ACADVL: variants seen among roughly 807,000 people sequenced by gnomAD.
The protein encoded by ACADVL is very long-chain acyl-CoA dehydrogenase, mitochondrial.
A neutral mutation model predicts 80.4 loss-of-function variants in ACADVL; 73 were observed. That is an observed-to-expected ratio of 0.91 (90% CI 0.75 to 1.10). The LOEUF (loss-of-function observed/expected upper bound fraction) is 1.10, where lower values mean the gene tolerates loss of function less well. Among genes scored for constraint, ACADVL ranks in the 50% least tolerant of loss-of-function variants. ACADVL has a pLI of 0.00. For synonymous variants in ACADVL, 392 were observed against 326.5 expected (o/e 1.20, Z -2.16); for missense variants, 878 against 858.9 (o/e 1.02, Z -0.28).
rs149436747 is a variant in ACADVL at position 7,224,369 on chromosome 17, G to A, written c.1581G>A (p.Pro527=). 442 of 1,613,800 alleles carry A rather than the reference G, an allele frequency of 2.7e-4. No individual in the cohort carries two copies. Among genetic ancestry groups the A allele is most frequent in the Non-Finnish European group, 2.6e-4 (310 of 1,179,916 alleles). Residue 527 remains proline (P), a synonymous_variant, in exon 16 of 20, where the codon CCG becomes CCA. Transcript: ENST00000356839. ...TGAGTCTCAGCGGACTTGTCCACCCGGAGTTGAGTCGGAGTGGCGAGCTGG... is the reference window on the plus strand; with the variant it reads ...TGAGTCTCAGCGGACTTGTCCACCCAGAGTTGAGTCGGAGTGGCGAGCTGG... ...SGLSLSGLVH[P]ELSRSGELAV...
chr17:7,220,420 G>A (rs2071141762), intron 2 of ACADVL, 44 bp from the exon 3 acceptor site: 1 of 1,612,224 alleles, frequency 6.2e-7, no homozygotes, highest in Non-Finnish European at 8.5e-7. Flanking sequence ...CCTTGACACA[G>A]CGGAAGTCCC....
At chr17:7,221,109 G>C in intron 6 of ACADVL, 51 bp downstream of exon 6, 12 of 1,611,192 alleles carry the variant, frequency 7.4e-6, no homozygotes, top group Non-Finnish European at 9.3e-6. Flanking sequence ...CAGCTTGGCA[G>C]ACTCAGCTCT....
At chr17:7,219,477 C>A, upstream of ACADVL, 2 of 1,038,626 alleles carry the variant, frequency 1.9e-6, no homozygotes, top group Non-Finnish European at 2.3e-6. Context: ...AGGGTACTCA[C>A]ACCCTAGCTT....
Position 7,222,024 on chromosome 17 carries a change from C to T in ACADVL, c.695C>T (p.Ala232Val). The part of the protein sequence containing the change: ...GSDAASIRTS[A>V]VPSPCGKYYT... ...GATGCAGCCTCCATCCGAACCTCTG[C>T]TGTGCCCAGCCCCTGTGGAAAATAC... The change falls in exon 8 of 20, where the codon GCT becomes GTT. Residue 232 changes from alanine (A) to valine (V), a missense_variant. Ala to Val is a moderately conservative substitution (Grantham distance 64, BLOSUM62 0). Transcript: ENST00000356839. 1 of 1,614,162 alleles carries T rather than the reference C, an allele frequency of 6.2e-7. No individual in the cohort carries two copies. The highest frequency in any genetic ancestry group is 8.5e-7 in the Non-Finnish European group (1 of 1,180,030).
upstream of ACADVL, chr17:7,217,562 G>A: frequency 5.5e-6 from 5 of 904,460 alleles, no homozygotes; most frequent in Non-Finnish European, 5.2e-6. Context: ...GGAGTGGGGT[G>A]GGGGGGTTGG....
intron 11 of ACADVL, 108 bp downstream of exon 11, chr17:7,223,345 C>T: frequency 9.4e-7 from 1 of 1,062,626 alleles, no homozygotes; most frequent in Non-Finnish European, 1.5e-6. Flanking sequence ...CAGCTTTACA[C>T]CAATGCCCTA....
intron 5 of ACADVL, 36 bp downstream of exon 5, chr17:7,220,866 T>A: frequency 1.2e-6 from 2 of 1,613,854 alleles, no homozygotes; most frequent in Non-Finnish European, 1.7e-6. Flanking sequence ...CCTGGTGAGG[T>A]GTTTGGAGAT....
At chr17:7,217,434 G>T, upstream of ACADVL, 1 of 227,472 alleles carries the variant, frequency 4.4e-6, no homozygotes, top group South Asian at 3.8e-5. Context: ...GGGGCTGGCA[G>T]CCCCGGAGTT....
chr17:7,222,917 C>A (rs1433235597), intron 10 of ACADVL, 52 bp downstream of exon 10: 2 of 1,594,248 alleles, frequency 1.3e-6, no homozygotes, highest in African/African-American at 1.3e-5. Flanking sequence ...TCTCACTGTC[C>A]CCCTTGCCAT....
At chr17:7,219,749 G>A (rs1420889442), upstream of ACADVL, 2 of 1,455,470 alleles carry the variant, frequency 1.4e-6, no homozygotes, top group Non-Finnish European at 1.8e-6. Flanking sequence ...AGGTCGGACG[G>A]GCGGGATTAA....
At chr17:7,217,261 G>T, upstream of ACADVL, 1 of 1,245,846 alleles carries the variant, frequency 8.0e-7, no homozygotes, top group Non-Finnish European at 1.0e-6. Context: ...TTTGCAGGGG[G>T]GGCCAGGATG....
At chr17:7,217,603 C>T (rs1270538108), upstream of ACADVL, 13 of 1,370,728 alleles carry the variant, frequency 9.5e-6, no homozygotes, top group South Asian at 7.1e-5. Flanking sequence ...GCCGTGGAGC[C>T]GAAGAGGGAA....
chr17:7,224,096 G>C (rs1271483942), intron 14 of ACADVL, 27 bp downstream of exon 14: 1 of 1,613,778 alleles, frequency 6.2e-7, no homozygotes, highest in African/African-American at 1.3e-5. Flanking sequence ...GGTGGGGGTA[G>C]AGGTGGGGAG....
At position 7,224,536 on chromosome 17, in the gene ACADVL, CAAG is replaced by C. The variant is rs866424446; in HGVS notation, c.1666_1668del (p.Lys556del). On this transcript the variant is annotated inframe_deletion, in exon 17 of 20. Transcript: ENST00000356839. ...TGGTGGAGGCCAAGCTGATAAAACA[CAAG>C]AAGGGGATTGTCAGTAAGTGAGCTC... 1.2e-6 allele frequency: 2 copies of C among 1,610,510 alleles called. No individual in the cohort carries two copies. Among genetic ancestry groups the C allele is most frequent in the Non-Finnish European group, 8.5e-7 (1 of 1,179,218 alleles).
upstream of ACADVL, chr17:7,219,867 G>A: frequency 6.5e-7 from 1 of 1,539,384 alleles, no homozygotes; most frequent in African/African-American, 1.4e-5. Flanking sequence ...GCCCGCAACC[G>A]TCCGCCGCCC....
chr17:7,223,823 G>A lies in ACADVL; in HGVS notation c.1280G>A (p.Trp427Ter), dbSNP rs1057516519. ...GTTCTTTGTCCCTAGGAGGCAGCCT[G>A]GAAGGTGACAGATGAATGCATCCAA... ...ISKIFGSEAA[W>*]KVTDECIQIM... The change falls in exon 13 of 20, where the codon TGG (tryptophan) becomes TAG (stop). Residue 427 changes from tryptophan to a stop codon, truncating the protein, a stop_gained. Coordinates refer to ENST00000356839, the MANE Select transcript of ACADVL (RefSeq NM_000018.4). LOFTEE classifies it high-confidence loss of function. 5 of 1,614,150 alleles carry A rather than the reference G, an allele frequency of 3.1e-6. No homozygotes were observed. The highest frequency in any genetic ancestry group is 4.2e-6 in the Non-Finnish European group (5 of 1,180,040).
intron 10 of ACADVL, 27 bp downstream of exon 10, chr17:7,222,892 T>A (rs1485280904): frequency 1.2e-6 from 2 of 1,607,050 alleles, no homozygotes; most frequent in African/African-American, 1.3e-5. Flanking sequence ...AGTCCCTAGG[T>A]AACCCAAACA....
At position 7,222,107 on chromosome 17, in the gene ACADVL, TCTC is replaced by T. The variant is rs776667924; in HGVS notation, c.752+31_752+33del. On this transcript the variant is annotated intron_variant, in intron 8 of 19. Coordinates refer to ENST00000356839, the MANE Select transcript of ACADVL (RefSeq NM_000018.4). Reference sequence around the variant, plus strand: ...GCAACCTGCCTCCCATTTCTCCCCTTCTCCTCCGCCCAATTCCAGGCCCCACTG... The same window carrying T: ...GCAACCTGCCTCCCATTTCTCCCCTTCTCCGCCCAATTCCAGGCCCCACTG... 2.1e-5 allele frequency: 34 copies of T among 1,613,884 alleles called. No homozygotes were observed. In the Admixed American group the frequency reaches 5.5e-4, roughly 26 times the overall value.
chr17:7,223,255 C>T lies in ACADVL; in HGVS notation c.1182+18C>T, dbSNP rs1030863864. 5 of 1,599,336 alleles carry T rather than the reference C, an allele frequency of 3.1e-6. No homozygotes were observed. Among genetic ancestry groups the T allele is most frequent in the Non-Finnish European group, 4.3e-6 (5 of 1,166,768 alleles). On this transcript the variant is annotated intron_variant, in intron 11 of 19. Transcript: ENST00000356839. ...TAACTGAGGTGAGGGCCTCCCAAGC[C>T]CCTCTCCCTGGAGCCCTGGGGCTTT...
Sources: gnomAD v4.1 joint callset for allele counts on GRCh38, gnomAD v4.1.1 for gene constraint, MANE v1.5 for transcripts, NCBI Gene and HGNC (gene_info 2026-07-23, HGNC 2026-07-21) for gene names.